GPATCH11: variants seen among roughly 807,000 people sequenced by gnomAD.
GPATCH11 encodes the protein G patch domain-containing protein 11.
GPATCH11 carries 32 observed loss-of-function variants against 44.8 expected under a neutral mutation model. The observed-to-expected ratio is 0.71, with a 90% confidence interval of 0.54 to 0.96. The LOEUF (loss-of-function observed/expected upper bound fraction) is 0.96. GPATCH11 is among the 40% of genes least tolerant of loss of function. GPATCH11 has a pLI of 0.00. For synonymous variants in GPATCH11, 84 were observed against 94.4 expected, an observed-to-expected ratio of 0.89 and a Z score of 0.64; for missense variants, 324 against 303.1, an observed-to-expected ratio of 1.07 and a Z score of -0.51.
chr2:37,093,684 G>A (rs1673437217), intron 6 of GPATCH11, among the ~76,000 whole-genome samples: 2 of 152,018 alleles, frequency 1.3e-5, no homozygotes, highest in Non-Finnish European at 2.9e-5. Context: ...TTGAGATGGA[G>A]TCTCACTCTG....
Position 37,096,300 on chromosome 2 carries a change from A to T in GPATCH11, c.*37A>T. On this transcript the variant is annotated 3_prime_UTR_variant, in exon 9 of 9. Coordinates refer to ENST00000674370, the MANE Select transcript of GPATCH11 (RefSeq NM_174931.4). ...ATAAAGTGGAAACTTGAAAAATGTT[A>T]TTACTTCCTAGGGATAGACAATTTA... 1 of 1,333,308 alleles carries T rather than the reference A, an allele frequency of 7.5e-7. No homozygotes were observed. The highest frequency in any genetic ancestry group is 1.5e-5 in the African/African-American group (1 of 68,868). The allele number at this position is 1,333,308 out of a possible 1,614,324, so 82.6% of individuals were successfully genotyped here. A position where few individuals can be genotyped will look rare whatever the true frequency, so the allele number is the denominator to read the frequency against.
intron 1 of GPATCH11, among the ~76,000 whole-genome samples, chr2:37,087,330 A>G (rs935441220): frequency 3.9e-5 from 6 of 152,194 alleles, no homozygotes; most frequent in Non-Finnish European, 7.3e-5. Flanking sequence ...GCAGGAAAAA[A>G]CAGTACATAT....
At position 37,087,275 on chromosome 2, in the gene GPATCH11, C is replaced by T. The variant is rs539124765; in HGVS notation, c.-13-1094C>T. On this transcript the variant is annotated intron_variant, in intron 1 of 8. Coordinates refer to ENST00000674370, the MANE Select transcript of GPATCH11 (RefSeq NM_174931.4). ...TGACATTGCCACCCTCCACTAAAACCACATGAAGGGCAGAGGGTTGGATTC... is the reference window on the plus strand; with the variant it reads ...TGACATTGCCACCCTCCACTAAAACTACATGAAGGGCAGAGGGTTGGATTC... Among the ~76,000 whole-genome samples the T allele has an allele frequency of 5.9e-5, 9 of 152,306 alleles. No homozygotes were observed. In the East Asian group the frequency reaches 1.3e-3, roughly 23 times the overall value.
chr2:37,090,794 C>T, intron 4 of GPATCH11, 72 bp downstream of exon 4: 1 of 738,372 alleles, frequency 1.4e-6, no homozygotes, highest in Non-Finnish European at 2.2e-6. Flanking sequence ...TATATTTGCT[C>T]AATAAATACT....
At chr2:37,092,427 AT>A (rs934796170) in intron 6 of GPATCH11, among the ~76,000 whole-genome samples, 172 bp downstream of exon 6, 28 of 145,046 alleles carry the variant, frequency 1.9e-4, no homozygotes, top group Middle Eastern at 3.6e-3. Flanking sequence ...ATATTTATAT[AT>A]TTTTTACATA....
intron 1 of GPATCH11, among the ~76,000 whole-genome samples, chr2:37,084,976 C>G (rs1672919076): frequency 6.6e-6 from 1 of 152,198 alleles, no homozygotes; most frequent in African/African-American, 2.4e-5. Flanking sequence ...TCTTTACGTA[C>G]TACCTACAAC....
At chr2:37,096,067 G>T in intron 8 of GPATCH11, 141 bp from the exon 9 acceptor site, 1 of 598,242 alleles carries the variant, frequency 1.7e-6, no homozygotes, top group Non-Finnish European at 2.9e-6. Flanking sequence ...AAGCATTTTT[G>T]GTTATTGTTG....
intron 8 of GPATCH11, 45 bp downstream of exon 8, chr2:37,095,563 C>A: frequency 2.0e-6 from 3 of 1,497,460 alleles, no homozygotes; most frequent in South Asian, 2.8e-5. Context: ...TGAATGCTCT[C>A]CAATTTTTAG....
At chr2:37,091,180 C>T (rs540641051) in intron 4 of GPATCH11, among the ~76,000 whole-genome samples, 3 of 152,078 alleles carry the variant, frequency 2.0e-5, no homozygotes, top group South Asian at 4.1e-4. Flanking sequence ...CAGAATTAGC[C>T]GGGCATGGTG....
chr2:37,087,085 C>T (rs565766302), intron 1 of GPATCH11, among the ~76,000 whole-genome samples: 1 of 152,224 alleles, frequency 6.6e-6, no homozygotes, highest in South Asian at 2.1e-4. Context: ...CACATTCTCC[C>T]AGTTCAGAAA....
intron 2 of GPATCH11, 110 bp from the exon 3 acceptor site, chr2:37,089,530 G>T: frequency 1.3e-6 from 1 of 784,692 alleles, no homozygotes; most frequent in South Asian, 1.9e-5. Context: ...TTATGCCATT[G>T]CATTACAGCC....
chr2:37,094,942 CAA>C (rs200157191), intron 7 of GPATCH11, among the ~76,000 whole-genome samples: 35 of 65,356 alleles, frequency 5.4e-4, no homozygotes, highest in Admixed American at 5.1e-4. Flanking sequence ...CCCTGTCTCA[CAA>C]AAAAAAAAAA....
At chr2:37,096,103 A>G (rs1673565825) in intron 8 of GPATCH11, 105 bp from the exon 9 acceptor site, 2 of 700,130 alleles carry the variant, frequency 2.9e-6, no homozygotes, top group Admixed American at 6.8e-5. Context: ...GTTTAGCAGA[A>G]TAAGTAGAAA....
At chr2:37,090,775 T>C in intron 4 of GPATCH11, 53 bp downstream of exon 4, 1 of 844,998 alleles carries the variant, frequency 1.2e-6, no homozygotes, top group East Asian at 2.9e-5. Flanking sequence ...TACGCTTAGG[T>C]CTACCACATA....
chr2:37,093,773 C>T (rs951431855), intron 6 of GPATCH11, among the ~76,000 whole-genome samples: 3 of 152,120 alleles, frequency 2.0e-5, no homozygotes, highest in South Asian at 2.1e-4. Flanking sequence ...TCTCCTGCCT[C>T]GGCCTCCTGA....
In GPATCH11 at chr2:37,097,140, G is replaced by C. The variant is rs1053509231; in HGVS notation, c.*877G>C. 1 of 152,130 alleles carries C rather than the reference G, an allele frequency of 6.6e-6. No homozygotes were observed. Among genetic ancestry groups the C allele is most frequent in the Non-Finnish European group, 1.5e-5 (1 of 68,020 alleles). The allele number at this position is 152,130 out of a possible 1,614,324, so 9.4% of individuals were successfully genotyped here. Reference sequence around the variant, plus strand: ...TGAGGAAATTTAAATATTGTGTGATGCAAGTACTTACTGAATTTGGAAACC... The same window carrying C: ...TGAGGAAATTTAAATATTGTGTGATCCAAGTACTTACTGAATTTGGAAACC... On this transcript the variant is annotated 3_prime_UTR_variant, in exon 9 of 9. Transcript: ENST00000674370.
intron 7 of GPATCH11, among the ~76,000 whole-genome samples, chr2:37,095,205 C>G (rs1306168794): frequency 2.0e-5 from 3 of 152,164 alleles, no homozygotes; most frequent in African/African-American, 7.2e-5. Context: ...AAACTATTTT[C>G]TCAATGTTAA....
rs552243230 is a variant in GPATCH11 at position 37,094,927 on chromosome 2, C to T, written c.655-510C>T. Among the ~76,000 whole-genome samples the T allele has an allele frequency of 9.2e-4, 135 of 146,986 alleles. No homozygotes were observed. In the Middle Eastern group the frequency reaches 0.017, roughly 19 times the overall value. Reference sequence around the variant, plus strand: ...CTGCACTCCAGCCTAGGTGATAGACCGAGACCCTGTCTCACAAAAAAAAAA... The same window carrying T: ...CTGCACTCCAGCCTAGGTGATAGACTGAGACCCTGTCTCACAAAAAAAAAA... On this transcript the variant is annotated intron_variant, in intron 7 of 8. Transcript: ENST00000674370.
At position 37,089,811 on chromosome 2, in the gene GPATCH11, G is replaced by C. The variant is rs1435260957; in HGVS notation, c.231G>C (p.Gly77=). The change falls in exon 3 of 9, where the codon GGG becomes GGC. Residue 77 remains glycine (G), a synonymous_variant. Coordinates refer to ENST00000674370, the MANE Select transcript of GPATCH11 (RefSeq NM_174931.4). ...ATGCACTAGGCTGTGAAAACAAAGG[G>C]TTTGCCTTGCTCCAAAAGATGGGCT... ...LKNALGCENK[G]FALLQKMGYK... 6.4e-7 allele frequency: 1 copy of C among 1,551,840 alleles called. No individual in the cohort carries two copies. The highest frequency in any genetic ancestry group is 8.7e-7 in the Non-Finnish European group (1 of 1,147,022).
Sources: allele counts gnomAD v4.1 joint callset (sites outside exome capture counted in the v4.1 genomes callset), GRCh38; gene constraint gnomAD v4.1.1; transcripts MANE v1.5; gene names NCBI Gene and HGNC (gene_info 2026-07-23, HGNC 2026-07-21).